The following SUPT3H variants were observed in gnomAD, a reference collection of about 807,000 sequenced individuals.
SUPT3H encodes transcription initiation protein SPT3 homolog.
A neutral mutation model predicts 44.3 loss-of-function variants in SUPT3H; 44 were observed. The ratio of observed to expected loss-of-function variants is 0.99; its 90% confidence interval spans 0.78 to 1.28. The LOEUF (loss-of-function observed/expected upper bound fraction) is 1.28. Ranked by LOEUF, SUPT3H falls within the 50% of genes most tolerant of loss-of-function variation. SUPT3H has a pLI of 0.00. For missense variants in SUPT3H, 380 were observed against 387.1 expected, an observed-to-expected ratio of 0.98 and a Z score of 0.15; for synonymous variants, 124 against 125.6, an observed-to-expected ratio of 0.99 and a Z score of 0.09.
chr6:45,124,471 C>G (rs1003627203), intron 2 of SUPT3H, among the ~76,000 whole-genome samples: 3 of 151,388 alleles, frequency 2.0e-5, no homozygotes, highest in Non-Finnish European at 2.9e-5. Flanking sequence ...TGGTGAAACC[C>G]CCCCCTCTAC....
intron 2 of SUPT3H, among the ~76,000 whole-genome samples, chr6:45,188,299 T>C (rs1217891679): frequency 1.3e-5 from 2 of 152,258 alleles, no homozygotes; most frequent in African/African-American, 4.8e-5. Context: ...ATGCTGAGAT[T>C]GCTAAGACGT....
chr6:44,996,010 A>T (rs1309825634), intron 6 of SUPT3H, among the ~76,000 whole-genome samples: 1 of 151,916 alleles, frequency 6.6e-6, no homozygotes, highest in Non-Finnish European at 1.5e-5. Flanking sequence ...TTCTCAGCCC[A>T]TTTCCAATAC....
At chr6:45,146,605 C>T (rs1218951951) in intron 2 of SUPT3H, among the ~76,000 whole-genome samples, 1 of 152,116 alleles carries the variant, frequency 6.6e-6, no homozygotes, top group African/African-American at 2.4e-5. Flanking sequence ...TATTTTGTTT[C>T]TTACTCATCT....
intron 2 of SUPT3H, among the ~76,000 whole-genome samples, chr6:45,196,813 T>C (rs1468176988): frequency 6.6e-6 from 1 of 151,912 alleles, no homozygotes; most frequent in Non-Finnish European, 1.5e-5. Flanking sequence ...GTGTGACAAC[T>C]ACTGATAAAA....
intron 10 of SUPT3H, among the ~76,000 whole-genome samples, chr6:44,841,284 T>G (rs1581927113): frequency 6.6e-6 from 1 of 152,232 alleles, no homozygotes; most frequent in Admixed American, 6.5e-5. Context: ...TCTCCTGTAA[T>G]GTCTGACATT....
intron 2 of SUPT3H, among the ~76,000 whole-genome samples, chr6:45,350,746 C>G (rs1791844411): frequency 6.6e-6 from 1 of 152,078 alleles, no homozygotes; most frequent in African/African-American, 2.4e-5. Flanking sequence ...AGGATAAGCT[C>G]TTTTTGTCAG....
chr6:45,063,739 C>G (rs556632319), intron 3 of SUPT3H, among the ~76,000 whole-genome samples: 1 of 124,936 alleles, frequency 8.0e-6, no homozygotes, highest in East Asian at 2.2e-4. Flanking sequence ...TGAAATGAAG[C>G]GAGAAGGGAA....
At chr6:44,973,142 C>G (rs1351791820) in intron 6 of SUPT3H, among the ~76,000 whole-genome samples, 1 of 152,148 alleles carries the variant, frequency 6.6e-6, no homozygotes, top group Non-Finnish European at 1.5e-5. Flanking sequence ...ACATAAGTTC[C>G]AATTCCAAAG....
intron 11 of SUPT3H, among the ~76,000 whole-genome samples, chr6:44,812,162 C>T (rs1766576033): frequency 6.6e-6 from 1 of 152,220 alleles, no homozygotes; most frequent in African/African-American, 2.4e-5. Context: ...TCTTACAGTT[C>T]TATAGGCCAG....
At chr6:44,998,066 C>T (rs1229538866) in intron 6 of SUPT3H, among the ~76,000 whole-genome samples, 1 of 151,728 alleles carries the variant, frequency 6.6e-6, no homozygotes, top group Non-Finnish European at 1.5e-5. Context: ...CATCTATATT[C>T]CTAAGGAAGG....
chr6:44,904,284 C>A (rs75013390), intron 10 of SUPT3H, among the ~76,000 whole-genome samples: 50,960 of 152,006 alleles, frequency 0.34, 9,489 homozygotes, highest in Admixed American at 0.41. Context: ...TGTCTCAGCC[C>A]CAAATCTCCT....
intron 10 of SUPT3H, among the ~76,000 whole-genome samples, chr6:44,842,093 A>C (rs1414953986): frequency 6.6e-6 from 1 of 152,248 alleles, no homozygotes; most frequent in Non-Finnish European, 1.5e-5. Context: ...TGCAGACACC[A>C]GAGTGCAGAT....
intron 5 of SUPT3H, among the ~76,000 whole-genome samples, chr6:45,005,043 T>C (rs577393605): frequency 6.6e-6 from 1 of 152,310 alleles, no homozygotes; most frequent in African/African-American, 2.4e-5. Flanking sequence ...GTTTATGGCA[T>C]AGATTCACAA....
chr6:45,337,468 G>A lies in SUPT3H; in HGVS notation c.101+27733C>T, dbSNP rs193060778. On this transcript the variant is annotated intron_variant, in intron 2 of 10. Coordinates refer to ENST00000371459, the MANE Select transcript of SUPT3H (RefSeq NM_003599.4). ...CTCTAAAAATACTCATTTCTAGAAG[G>A]CCAGAAAATCTTATTTTTTTAAGCT... 1.2e-4 allele frequency among the ~76,000 whole-genome samples: 18 copies of A among 151,808 alleles called. No homozygotes were observed. In the East Asian group the frequency reaches 3.3e-3, roughly 28 times the overall value.
At chr6:45,082,070 A>C (rs1466138844) in intron 3 of SUPT3H, among the ~76,000 whole-genome samples, 1 of 152,144 alleles carries the variant, frequency 6.6e-6, no homozygotes, top group East Asian at 1.9e-4. Flanking sequence ...CTGGAAATAC[A>C]TAACCTCCCA....
At chr6:45,283,531 G>C (rs1266923270) in intron 2 of SUPT3H, among the ~76,000 whole-genome samples, 1 of 151,948 alleles carries the variant, frequency 6.6e-6, no homozygotes, top group Non-Finnish European at 1.5e-5. Flanking sequence ...AACAAGAAGA[G>C]CTAACTATCC....
intron 2 of SUPT3H, among the ~76,000 whole-genome samples, chr6:45,295,384 A>G (rs974946238): frequency 6.6e-6 from 1 of 152,178 alleles, no homozygotes; most frequent in Non-Finnish European, 1.5e-5. Flanking sequence ...AAACTATAAA[A>G]GTTCCAGAAG....
chr6:44,840,661 A>G (rs567297), intron 10 of SUPT3H, among the ~76,000 whole-genome samples: 7,205 of 152,270 alleles, frequency 0.047, 243 homozygotes, highest in South Asian at 0.13. Context: ...CTATAAACAA[A>G]TTTATTTAGT....
intron 3 of SUPT3H, among the ~76,000 whole-genome samples, chr6:45,050,077 C>G (rs1790031214): frequency 6.6e-6 from 1 of 152,030 alleles, no homozygotes; most frequent in African/African-American, 2.4e-5. Context: ...TCAAGTACTC[C>G]AAGTATGGCA....
Sources: gnomAD v4.1 joint callset for allele counts (sites outside exome capture counted in the v4.1 genomes callset) on GRCh38, gnomAD v4.1.1 for gene constraint, MANE v1.5 for transcripts, NCBI Gene and HGNC (gene_info 2026-07-23, HGNC 2026-07-21) for gene names.